Variants in ZEB2 observed in about 807,000 individuals in gnomAD.
ZEB2 encodes the protein zinc finger E-box binding homeobox 2.
A neutral mutation model predicts 99.9 loss-of-function variants in ZEB2; 6 were observed. The ratio of observed to expected loss-of-function variants is 0.06; its 90% confidence interval spans 0.03 to 0.12. The LOEUF (loss-of-function observed/expected upper bound fraction) is 0.12, where lower values mean the gene tolerates loss of function less well. Ranked by LOEUF, ZEB2 falls within the 10% of genes least tolerant of loss-of-function variation. The pLI, the probability that ZEB2 is intolerant of heterozygous loss-of-function variation, is 1.00. For synonymous variants in ZEB2, 517 were observed against 542.5 expected (o/e 0.95, Z 0.65); for missense variants, 969 against 1,502.8 (o/e 0.64, Z 5.87).
intron 4 of ZEB2, among the ~76,000 whole-genome samples, chr2:144,419,195 A>C (rs942277395): frequency 6.6e-6 from 1 of 152,200 alleles, no homozygotes; most frequent in African/African-American, 2.4e-5. Flanking sequence ...GGAGCCTCCC[A>C]AAACAATTGC....
chr2:144,418,272 G>A (rs1297480669), intron 4 of ZEB2, among the ~76,000 whole-genome samples: 1 of 152,162 alleles, frequency 6.6e-6, no homozygotes. Flanking sequence ...CTCAAAATTG[G>A]TTAGTTCTTT....
intron 2 of ZEB2, chr2:144,430,578 G>T: frequency 5.6e-6 from 1 of 179,268 alleles, no homozygotes. Context: ...TATGTCAACC[G>T]TCATGTGCTA....
At chr2:144,506,132 C>T (rs923491483) in intron 2 of ZEB2, among the ~76,000 whole-genome samples, 7 of 152,194 alleles carry the variant, frequency 4.6e-5, no homozygotes, top group Non-Finnish European at 8.8e-5. Context: ...GCATAGGGAA[C>T]ACATTTCCCC....
intron 1 of ZEB2, 156 bp downstream of exon 1, chr2:144,519,783 A>G (rs1705236209): frequency 2.8e-6 from 1 of 353,768 alleles, no homozygotes. Context: ...CTTGCCATAA[A>G]GGAGCTAAAC....
Position 144,389,529 on chromosome 2 carries a change from G to T in ZEB2, c.3567C>A (p.Ser1189=), listed in dbSNP as rs1703126073. Reference sequence around the variant, plus strand: ...TCCCATCCTCCGAACTATCGTCCATGGAGTGATCTCCAGTCTCTTCTTCAT... The same window carrying T: ...TCCCATCCTCCGAACTATCGTCCATTGAGTGATCTCCAGTCTCTTCTTCAT... ...IRDEEETGDH[S]MDDSSEDGKM... Residue 1189 remains serine, a synonymous_variant, in exon 10 of 10, where the codon TCC becomes TCA. Coordinates refer to ENST00000627532, the MANE Select transcript of ZEB2 (RefSeq NM_014795.4). The surrounding 1 kb of genome is among the most constrained non-coding windows in gnomAD (Gnocchi z 6.8). The T allele has an allele frequency of 1.9e-6, 3 of 1,613,938 alleles. No homozygotes were observed. In the Admixed American group the frequency reaches 5.0e-5, roughly 27 times the overall value.
At chr2:144,485,324 T>A (rs1704578490) in intron 2 of ZEB2, among the ~76,000 whole-genome samples, 1 of 152,196 alleles carries the variant, frequency 6.6e-6, no homozygotes, top group South Asian at 2.1e-4. Flanking sequence ...TAGAAAAGGA[T>A]GTATAGGTAA....
chr2:144,396,968 A>T (rs183763836), intron 8 of ZEB2, among the ~76,000 whole-genome samples: 27 of 152,272 alleles, frequency 1.8e-4, no homozygotes, highest in African/African-American at 6.0e-4. Context: ...TTTAGAAATG[A>T]TCTGTAGCTG....
chr2:144,454,944 C>A, intron 2 of ZEB2: 1 of 152,234 alleles, frequency 6.6e-6, no homozygotes, highest in Non-Finnish European at 1.5e-5. Flanking sequence ...CTTCAATTAA[C>A]CAAAAGCACA....
chr2:144,419,641 G>A (rs1175995947), intron 4 of ZEB2, among the ~76,000 whole-genome samples: 3 of 152,080 alleles, frequency 2.0e-5, no homozygotes, highest in Non-Finnish European at 4.4e-5. Context: ...ACTCTTCTTA[G>A]AAAATGGTTC....
intron 2 of ZEB2, chr2:144,513,167 G>A (rs888382159): frequency 3.9e-6 from 5 of 1,285,950 alleles, no homozygotes; most frequent in African/African-American, 1.5e-5. Context: ...TCTCTGAAAC[G>A]GGAGCAACTT....
chr2:144,398,417 G>A lies in ZEB2; in HGVS notation c.2770C>T (p.Pro924Ser). 1 of 1,614,052 alleles carries A rather than the reference G, an allele frequency of 6.2e-7. No individual in the cohort carries two copies. The highest frequency in any genetic ancestry group is 8.5e-7 in the Non-Finnish European group (1 of 1,179,992). ...QTSIPGLRPY[P>S]GLDQMSFLPH... ...AGGAAGCTCATCTGATCCAGTCCTG[G>A]GTATGGTCGTAGCCCAGGAATACTG... The change falls in exon 8 of 10, where the codon CCA becomes TCA. Residue 924 changes from proline to serine, a missense_variant. Transcript: ENST00000627532.
rs919483402 is a variant in ZEB2, at chr2:144,419,597, T to A, written c.403+5199A>T. Among the ~76,000 whole-genome samples the A allele has an allele frequency of 2.6e-5, 4 of 152,224 alleles. 1 individual carries two copies. The highest frequency in any genetic ancestry group is 5.9e-5 in the Non-Finnish European group (4 of 68,026). Reference sequence around the variant, plus strand: ...TACTACTAGCACGTAGGCAAACTCATGTGTATAATGCTTCCAAGTTTTTCC... The same window carrying A: ...TACTACTAGCACGTAGGCAAACTCAAGTGTATAATGCTTCCAAGTTTTTCC... On this transcript the variant is annotated intron_variant, in intron 4 of 9. Coordinates refer to ENST00000627532, the MANE Select transcript of ZEB2 (RefSeq NM_014795.4).
intron 2 of ZEB2, among the ~76,000 whole-genome samples, chr2:144,466,780 C>T (rs565162803): frequency 2.6e-4 from 40 of 152,240 alleles, no homozygotes; most frequent in African/African-American, 9.6e-4. Context: ...CAATGCACTC[C>T]ATTGTGTGGT....
At chr2:144,508,765 A>C (rs1704987011) in intron 2 of ZEB2, among the ~76,000 whole-genome samples, 1 of 151,964 alleles carries the variant, frequency 6.6e-6, no homozygotes, top group Non-Finnish European at 1.5e-5. Context: ...CACTGTCCGA[A>C]CTGGCCTCTC....
chr2:144,409,910 G>GT (rs1222709024), intron 4 of ZEB2, among the ~76,000 whole-genome samples: 1 of 147,578 alleles, frequency 6.8e-6, no homozygotes, highest in African/African-American at 2.5e-5. Flanking sequence ...AAAAAAAGTT[G>GT]TTGTTTTTTT....
intron 9 of ZEB2, among the ~76,000 whole-genome samples, chr2:144,392,139 T>C (rs927008802): frequency 1.2e-4 from 19 of 152,222 alleles, no homozygotes; most frequent in African/African-American, 4.6e-4. Flanking sequence ...AGAGAAATTA[T>C]AGATGAAAAT....
At chr2:144,517,140 C>T (rs935352118) in intron 2 of ZEB2, 138 bp downstream of exon 2, 1 of 930,784 alleles carries the variant, frequency 1.1e-6, no homozygotes, top group Non-Finnish European at 1.4e-6. Flanking sequence ...CCGGCGCCGG[C>T]CGCGGAGGGA....
At chr2:144,457,063 A>AT (rs1704130510) in intron 2 of ZEB2, among the ~76,000 whole-genome samples, 1 of 152,150 alleles carries the variant, frequency 6.6e-6, no homozygotes, top group African/African-American at 2.4e-5. Flanking sequence ...AAGACAATGC[A>AT]TTTTTAGTCC....
intron 2 of ZEB2, among the ~76,000 whole-genome samples, chr2:144,479,955 G>C (rs192283107): frequency 7.4e-4 from 112 of 152,234 alleles, no homozygotes; most frequent in African/African-American, 2.2e-3. Context: ...ACTGGCACCA[G>C]ACACAATCAT....
Sources: allele counts gnomAD v4.1 joint callset (sites outside exome capture counted in the v4.1 genomes callset), GRCh38; gene constraint gnomAD v4.1.1; non-coding constraint Gnocchi (gnomAD v3.1); transcripts MANE v1.5; gene names NCBI Gene and HGNC (gene_info 2026-07-23, HGNC 2026-07-21).